CILK1: variants seen among roughly 807,000 people sequenced by gnomAD.
The protein encoded by CILK1 is ciliogenesis associated kinase 1, also known as serine/threonine-protein kinase ICK.
A neutral mutation model predicts 79.2 loss-of-function variants in CILK1; 47 were observed. The observed-to-expected ratio is 0.59, with a 90% confidence interval of 0.47 to 0.76. CILK1 has a LOEUF of 0.76. Among genes scored for constraint, CILK1 ranks in the 30% least tolerant of loss-of-function variants. The pLI is 0.00. For missense variants in CILK1, 660 were observed against 769.5 expected, an observed-to-expected ratio of 0.86 and a Z score of 1.68; for synonymous variants, 266 against 275.9, an observed-to-expected ratio of 0.96 and a Z score of 0.36.
intron 3 of CILK1, 32 bp from the exon 4 acceptor site, chr6:53,032,686 C>A: frequency 6.4e-7 from 1 of 1,552,322 alleles, no homozygotes; most frequent in Non-Finnish European, 8.8e-7. Context: ...CAAAACAAAA[C>A]AAATATTAGA....
intron 1 of CILK1, among the ~76,000 whole-genome samples, chr6:53,047,287 CAGG>C (rs1767146471): frequency 6.6e-6 from 1 of 151,792 alleles, no homozygotes; most frequent in African/African-American, 2.4e-5. Flanking sequence ...GTGTGTCATG[CAGG>C]AGTTTTTTGT....
chr6:53,051,460 G>A (rs897780528), intron 1 of CILK1, among the ~76,000 whole-genome samples: 5 of 152,150 alleles, frequency 3.3e-5, no homozygotes, highest in African/African-American at 1.2e-4. Context: ...GCTCTAGAGG[G>A]AATCCATTCT....
At chr6:53,030,250 T>C (rs1765847293) in intron 5 of CILK1, among the ~76,000 whole-genome samples, 1 of 152,178 alleles carries the variant, frequency 6.6e-6, no homozygotes, top group Admixed American at 6.5e-5. Flanking sequence ...GATTAGGTGA[T>C]GTAATTGGCC....
chr6:53,044,688 A>G lies in CILK1; in HGVS notation c.-172-3280T>C, dbSNP rs1306599460. ...TCACATGTTAAAGCCCTAACCTCCA[A>G]TGAGATTGTATCTGGAGACAGACCT... On this transcript the variant is annotated intron_variant, in intron 1 of 13. Coordinates refer to ENST00000676107, the MANE Select transcript of CILK1 (RefSeq NM_014920.5). Among the ~76,000 whole-genome samples the G allele has an allele frequency of 3.3e-5, 5 of 152,202 alleles. No homozygotes were observed. In the East Asian group the frequency reaches 5.8e-4, roughly 18 times the overall value.
Position 53,038,781 on chromosome 6 carries a change from ATGGCCTG to A in CILK1, c.102-795_102-789del, listed in dbSNP as rs757939683. Among the ~76,000 whole-genome samples, 214 of 152,336 alleles carry A rather than the reference ATGGCCTG, an allele frequency of 1.4e-3. 1 individual carries two copies. The highest frequency in any genetic ancestry group is 6.9e-4 in the Non-Finnish European group (47 of 68,028). On this transcript the variant is annotated intron_variant, in intron 2 of 13. Coordinates refer to ENST00000676107, the MANE Select transcript of CILK1 (RefSeq NM_014920.5). Reference sequence around the variant, plus strand: ...GAACTGAGTAGTTGCAAGAGACCATATGGCCTGTGAAGCTTAAAATATTTACAGCCTG... The same window carrying A: ...GAACTGAGTAGTTGCAAGAGACCATATGAAGCTTAAAATATTTACAGCCTG...
At position 53,016,313 on chromosome 6, in the gene CILK1, T is replaced by C. The variant is rs577994853; in HGVS notation, c.664-63A>G. ...ATTGCTGTGATATAAGTTTGTATTC[T>C]GGCATGTGTGCCCCAAATGGAAAGG... On this transcript the variant is annotated intron_variant, in intron 7 of 13. Coordinates refer to ENST00000676107, the MANE Select transcript of CILK1 (RefSeq NM_014920.5). 3.7e-5 allele frequency: 57 copies of C among 1,555,992 alleles called. No individual in the cohort carries two copies. The East Asian group carries it at 1.1e-3, about 30-fold the overall frequency.
Position 53,001,804 on chromosome 6 carries a change from T to A in CILK1, c.*3345A>T, listed in dbSNP as rs1289451099. 1.3e-5 allele frequency: 2 copies of A among 152,632 alleles called. No homozygotes were observed. The highest frequency in any genetic ancestry group is 2.9e-5 in the Non-Finnish European group (2 of 68,028). The allele number at this position is 152,632 out of a possible 1,614,324, so 9.5% of individuals were successfully genotyped here. A position where few individuals can be genotyped will look rare whatever the true frequency, so the allele number is the denominator to read the frequency against. On this transcript the variant is annotated 3_prime_UTR_variant, in exon 14 of 14. Transcript: ENST00000676107. ...TATAAAATAATTAGTATGTCAAACA[T>A]CTTCTTATAAACATATTGCTTTTGG...
intron 7 of CILK1, 75 bp downstream of exon 7, chr6:53,018,255 G>T: frequency 7.1e-7 from 1 of 1,415,056 alleles, no homozygotes; most frequent in Non-Finnish European, 1.0e-6. Context: ...TCATGCCAGT[G>T]CTGAACAGGG....
intron 5 of CILK1, among the ~76,000 whole-genome samples, chr6:53,021,058 C>A (rs77105580): frequency 6.6e-6 from 1 of 152,172 alleles, no homozygotes; most frequent in South Asian, 2.1e-4. Context: ...CGGTGGCTCA[C>A]GCCTGTAATC....
At chr6:53,008,822 T>G (rs2127403239) in intron 12 of CILK1, among the ~76,000 whole-genome samples, 1 of 152,270 alleles carries the variant, frequency 6.6e-6, no homozygotes, top group South Asian at 2.1e-4. Context: ...AACAAACACC[T>G]AATGGATGAA....
At chr6:53,020,379 G>A (rs778914226) in intron 5 of CILK1, among the ~76,000 whole-genome samples, 1 of 152,260 alleles carries the variant, frequency 6.6e-6, no homozygotes, top group Admixed American at 6.5e-5. Context: ...ATCTCAATGG[G>A]ACACCAATAC....
At chr6:53,027,310 A>G (rs1271902993) in intron 5 of CILK1, among the ~76,000 whole-genome samples, 1 of 152,220 alleles carries the variant, frequency 6.6e-6, no homozygotes, top group African/African-American at 2.4e-5. Context: ...TGACCTGGAT[A>G]TCTGTAAGGT....
intron 4 of CILK1, 31 bp downstream of exon 4, chr6:53,032,502 C>T (rs776214707): frequency 1.4e-6 from 2 of 1,473,452 alleles, no homozygotes; most frequent in Non-Finnish European, 9.1e-7. Flanking sequence ...CTATTTATTT[C>T]TATAATAAGA....
chr6:53,019,833 T>G (rs1029377344), intron 5 of CILK1, among the ~76,000 whole-genome samples: 3 of 68,120 alleles, frequency 4.4e-5, no homozygotes, highest in East Asian at 2.4e-4. Context: ...AGTTTTTTTG[T>G]TTTTTTTTTT....
At chr6:53,053,517 C>T (rs574369618) in intron 1 of CILK1, among the ~76,000 whole-genome samples, 36 of 152,212 alleles carry the variant, frequency 2.4e-4, no homozygotes, top group Middle Eastern at 3.4e-3. Context: ...ACAATTATCC[C>T]TATTTTACAG....
At chr6:53,005,598 C>A (rs780967542) in intron 13 of CILK1, among the ~76,000 whole-genome samples, 1 of 152,158 alleles carries the variant, frequency 6.6e-6, no homozygotes, top group Non-Finnish European at 1.5e-5. Flanking sequence ...TTTTTACCAA[C>A]TGAACTACTA....
At chr6:53,022,674 C>A (rs1765320031) in intron 5 of CILK1, among the ~76,000 whole-genome samples, 1 of 152,220 alleles carries the variant, frequency 6.6e-6, no homozygotes, top group Admixed American at 6.5e-5. Flanking sequence ...TTTTTGTCTA[C>A]ATCAATCCCA....
intron 5 of CILK1, among the ~76,000 whole-genome samples, chr6:53,025,184 T>C (rs1371469579): frequency 1.3e-5 from 2 of 152,188 alleles, no homozygotes; most frequent in Non-Finnish European, 2.9e-5. Flanking sequence ...TCTAGATTAA[T>C]GCTATTTCCC....
At chr6:53,057,567 T>C (rs765049571) in intron 1 of CILK1, among the ~76,000 whole-genome samples, 2 of 148,750 alleles carry the variant, frequency 1.3e-5, no homozygotes, top group Non-Finnish European at 3.0e-5. Flanking sequence ...TTCAGAGGCA[T>C]TATCTTTTAT....
Sources: gnomAD v4.1 joint callset for allele counts (sites outside exome capture counted in the v4.1 genomes callset) on GRCh38, gnomAD v4.1.1 for gene constraint, MANE v1.5 for transcripts, NCBI Gene and HGNC (gene_info 2026-07-23, HGNC 2026-07-21) for gene names.